Variants in PARP8 observed in about 807,000 individuals in gnomAD.
PARP8 encodes protein mono-ADP-ribosyltransferase PARP8.
Under a neutral mutation model 124.1 loss-of-function variants are expected in PARP8, and 51 were observed. The ratio of observed to expected loss-of-function variants is 0.41; its 90% CI spans 0.33 to 0.52. The LOEUF is 0.52. Ranked by LOEUF, PARP8 falls within the 20% of genes least tolerant of loss-of-function variation. The pLI is 0.21. For missense variants in PARP8, 860 were observed against 1,018.9 expected, an observed-to-expected ratio of 0.84 and a Z score of 2.12; for synonymous variants, 391 against 361.5, an observed-to-expected ratio of 1.08 and a Z score of -0.93.
chr5:50,741,897 C>T (rs901598802), intron 2 of PARP8: 1 of 439,100 alleles, frequency 2.3e-6, no homozygotes, highest in African/African-American at 2.1e-5. Flanking sequence ...GCAACCTCCG[C>T]CTCCCAGGTT....
At chr5:50,838,034 CA>C (rs1199594722) in intron 25 of PARP8, among the ~76,000 whole-genome samples, 2 of 152,020 alleles carry the variant, frequency 1.3e-5, no homozygotes, top group South Asian at 4.1e-4. Flanking sequence ...AAGCTATTTT[CA>C]AAAGGGCTGG....
intron 2 of PARP8, among the ~76,000 whole-genome samples, chr5:50,730,793 A>G (rs1381741572): frequency 6.6e-6 from 1 of 152,194 alleles, no homozygotes; most frequent in African/African-American, 2.4e-5. Context: ...TACTTTTTGA[A>G]TAAGATTAAG....
At chr5:50,678,523 GAT>G (rs957724228) in intron 2 of PARP8, among the ~76,000 whole-genome samples, 4 of 152,046 alleles carry the variant, frequency 2.6e-5, no homozygotes, top group Non-Finnish European at 5.9e-5. Flanking sequence ...CTTCATATTT[GAT>G]ATATATAGGT....
At chr5:50,780,292 T>G (rs2149614213) in intron 9 of PARP8, among the ~76,000 whole-genome samples, 1 of 152,304 alleles carries the variant, frequency 6.6e-6, no homozygotes, top group East Asian at 1.9e-4. Flanking sequence ...ACTTTTTTCT[T>G]ATTTTAGTGA....
At chr5:50,676,816 G>A (rs991650406) in intron 2 of PARP8, among the ~76,000 whole-genome samples, 1 of 152,184 alleles carries the variant, frequency 6.6e-6, no homozygotes, top group African/African-American at 2.4e-5. Flanking sequence ...TCATTTCTCA[G>A]ACTTTTTCCA....
intron 2 of PARP8, among the ~76,000 whole-genome samples, chr5:50,718,268 A>G (rs1456349315): frequency 6.6e-6 from 1 of 152,058 alleles, no homozygotes; most frequent in African/African-American, 2.4e-5. Context: ...CTTTGATAAA[A>G]CAATTTTAGT....
At chr5:50,823,908 G>C (rs1467106874) in intron 17 of PARP8, among the ~76,000 whole-genome samples, 11 of 152,244 alleles carry the variant, frequency 7.2e-5, no homozygotes, top group African/African-American at 2.7e-4. Context: ...GCGCTTCGCT[G>C]TCAAGGTGGA....
Position 50,842,675 on chromosome 5 carries a change from A to G in PARP8, c.*607A>G, listed in dbSNP as rs1262983797. 1 of 151,768 alleles carries G rather than the reference A, an allele frequency of 6.6e-6. No homozygotes were observed. The highest frequency in any genetic ancestry group is 2.4e-5 in the African/African-American group (1 of 41,402). 9.4% of individuals were successfully genotyped at this position (151,768 alleles called of 1,614,324 possible). On this transcript the variant is annotated 3_prime_UTR_variant, in exon 26 of 26. Coordinates refer to ENST00000281631, the MANE Select transcript of PARP8 (RefSeq NM_024615.4). Reference sequence around the variant, plus strand: ...TGTGTGGTTGTGAATATATTTGTGTATATTCACACGTATGTTTTGACAAGA... The same window carrying G: ...TGTGTGGTTGTGAATATATTTGTGTGTATTCACACGTATGTTTTGACAAGA...
At chr5:50,753,665 T>A (rs1176470424) in intron 3 of PARP8, among the ~76,000 whole-genome samples, 1 of 152,058 alleles carries the variant, frequency 6.6e-6, no homozygotes, top group African/African-American at 2.4e-5. Context: ...AAAATAGGGA[T>A]AATAATTGAC....
At chr5:50,826,528 G>T (rs920502115) in intron 18 of PARP8, among the ~76,000 whole-genome samples, 3 of 151,994 alleles carry the variant, frequency 2.0e-5, no homozygotes, top group African/African-American at 7.2e-5. Context: ...AAGTTTTAGG[G>T]AACAACTTCC....
chr5:50,763,906 TC>T (rs1044332853), intron 7 of PARP8, among the ~76,000 whole-genome samples: 2 of 152,196 alleles, frequency 1.3e-5, no homozygotes, highest in Non-Finnish European at 2.9e-5. Context: ...TCCATGGAAT[TC>T]CAGACCCCTT....
chr5:50,706,358 G>A (rs1425159830), intron 2 of PARP8, among the ~76,000 whole-genome samples: 1 of 151,798 alleles, frequency 6.6e-6, no homozygotes, highest in Non-Finnish European at 1.5e-5. Flanking sequence ...CAGATGGCTG[G>A]TTTTTGGGAT....
chr5:50,817,412 G>A (rs1401926805), intron 15 of PARP8, among the ~76,000 whole-genome samples: 3 of 152,118 alleles, frequency 2.0e-5, no homozygotes, highest in Non-Finnish European at 2.9e-5. Flanking sequence ...TAATCCTAAC[G>A]ATTACAGGGA....
Position 50,685,953 on chromosome 5 carries a change from T to C in PARP8, c.146+17828T>C, listed in dbSNP as rs185039909. ...AACACATGGAAATTCAAGATGAGATTTGGGTAGGGACACAGCCAAACCATT... is the reference window on the plus strand; with the variant it reads ...AACACATGGAAATTCAAGATGAGATCTGGGTAGGGACACAGCCAAACCATT... On this transcript the variant is annotated intron_variant, in intron 2 of 25. Transcript: ENST00000281631. Among the ~76,000 whole-genome samples, 58 of 152,254 alleles carry C rather than the reference T, an allele frequency of 3.8e-4. No homozygotes were observed. The East Asian group carries it at 0.01, about 26-fold the overall frequency.
chr5:50,839,221 T>G (rs1226100893), intron 25 of PARP8, among the ~76,000 whole-genome samples: 1 of 152,090 alleles, frequency 6.6e-6, no homozygotes, highest in Non-Finnish European at 1.5e-5. Flanking sequence ...ATTTTAGTAA[T>G]CTTTTTACAC....
intron 2 of PARP8, among the ~76,000 whole-genome samples, chr5:50,722,613 A>T (rs1329045518): frequency 6.6e-6 from 1 of 152,116 alleles, no homozygotes; most frequent in Non-Finnish European, 1.5e-5. Flanking sequence ...GTTCCAAAAA[A>T]CTATTTGCTT....
chr5:50,841,122 C>G (rs1176264143), intron 25 of PARP8, among the ~76,000 whole-genome samples: 1 of 151,696 alleles, frequency 6.6e-6, no homozygotes, highest in Non-Finnish European at 1.5e-5. Context: ...GTGCTTATAT[C>G]CCTGGTTATC....
chr5:50,682,425 A>AT lies in PARP8; in HGVS notation c.146+14300_146+14301insT, dbSNP rs200535621. Among the ~76,000 whole-genome samples the AT allele has an allele frequency of 7.6e-3, 1,143 of 151,312 alleles. 15 individuals are homozygous for AT. Among genetic ancestry groups the AT allele is most frequent in the African/African-American group, 0.026 (1,073 of 40,758 alleles). On this transcript the variant is annotated intron_variant, in intron 2 of 25. Transcript: ENST00000281631. ...TTAATGAATTCATTTGGACTTTTTT[A>AT]AATCACTTAATATTTTCAGTTCATG...
intron 2 of PARP8, among the ~76,000 whole-genome samples, chr5:50,727,915 G>T (rs911580547): frequency 5.3e-5 from 8 of 152,214 alleles, no homozygotes; most frequent in African/African-American, 1.9e-4. Context: ...TACTTTAATT[G>T]TGTTTTCCCT....
Sources: allele counts gnomAD v4.1 joint callset (sites outside exome capture counted in the v4.1 genomes callset), GRCh38; gene constraint gnomAD v4.1.1; transcripts MANE v1.5; gene names NCBI Gene and HGNC (gene_info 2026-07-23, HGNC 2026-07-21).